The following HDAC9 variants were observed in gnomAD, a reference collection of about 807,000 sequenced individuals.
The protein encoded by HDAC9 is MEF-2 interacting transcription repressor (MITR) protein.
HDAC9 carries 41 observed loss-of-function variants against 139.4 expected under a neutral mutation model. The observed-to-expected ratio is 0.29, with a 90% CI of 0.23 to 0.38. The LOEUF (loss-of-function observed/expected upper bound fraction) is 0.38, where lower values mean the gene tolerates loss of function less well. Ranked by LOEUF, HDAC9 falls within the 10% of genes least tolerant of loss-of-function variation. The pLI is 1.00. For synonymous variants in HDAC9, 517 were observed against 476.2 expected, an observed-to-expected ratio of 1.09 and a Z score of -1.12; for missense variants, 1,147 against 1,297.0, an observed-to-expected ratio of 0.88 and a Z score of 1.78.
intron 13 of HDAC9, 71 bp from the exon 14 acceptor site, chr7:18,748,934 A>G (rs1242459060): frequency 3.6e-6 from 5 of 1,392,856 alleles, no homozygotes; most frequent in South Asian, 1.3e-5. Context: ...GAGTTATCAT[A>G]TTATCTCCTA....
At chr7:18,242,098 A>G (rs1431334) in intron 2 of HDAC9, among the ~76,000 whole-genome samples, 114,153 of 152,034 alleles carry the variant, frequency 0.75, 42,985 homozygotes, top group South Asian at 0.86. Context: ...TCCATGGTAA[A>G]GGAATCACTG....
rs968862542 is a variant in HDAC9 at position 19,000,992 on chromosome 7, G to T, written c.*4930G>T. The T allele has an allele frequency of 6.6e-6, 1 of 152,072 alleles. No individual in the cohort carries two copies. The allele number at this position is 152,072 out of a possible 1,614,324, so 9.4% of individuals were successfully genotyped here. The stretch of plus-strand genomic sequence containing the variant: ...TTTTTTATCTCTTCTCTTTTCAAGA[G>T]TCACTTGACTTTTTCAAATATTCTT... On this transcript the variant is annotated 3_prime_UTR_variant, in exon 26 of 26. Transcript: ENST00000686413.
chr7:18,909,625 C>T (rs527472813), intron 22 of HDAC9, among the ~76,000 whole-genome samples: 2 of 152,022 alleles, frequency 1.3e-5, no homozygotes, highest in Admixed American at 6.6e-5. Flanking sequence ...TCAGTTTTCC[C>T]AGCACTATTT....
chr7:18,892,259 A>C (rs1800751714), intron 22 of HDAC9: 1 of 152,224 alleles, frequency 6.6e-6, no homozygotes, highest in Non-Finnish European at 1.5e-5. Flanking sequence ...CTCTATCTAG[A>C]ATATCAAGAG....
chr7:18,522,568 A>G, intron 2 of HDAC9, among the ~76,000 whole-genome samples: 1 of 144,542 alleles, frequency 6.9e-6, no homozygotes, highest in Non-Finnish European at 1.5e-5. Context: ...GTTAATACTG[A>G]AAAAAAAAAA....
intron 1 of HDAC9, among the ~76,000 whole-genome samples, chr7:18,313,485 T>C (rs1475845722): frequency 6.6e-6 from 1 of 152,206 alleles, no homozygotes; most frequent in Non-Finnish European, 1.5e-5. Context: ...AATACTTAGT[T>C]CATTTTCTCT....
At chr7:18,259,142 G>C (rs1384325702) in intron 2 of HDAC9, among the ~76,000 whole-genome samples, 2 of 151,468 alleles carry the variant, frequency 1.3e-5, no homozygotes, top group African/African-American at 4.8e-5. Context: ...GCTAATTTTT[G>C]TATTTTTAGT....
intron 2 of HDAC9, among the ~76,000 whole-genome samples, chr7:18,171,687 G>A (rs1788460304): frequency 6.6e-6 from 1 of 152,122 alleles, no homozygotes; most frequent in South Asian, 2.1e-4. Flanking sequence ...GGCCTTTTCT[G>A]CATCTATTGA....
chr7:18,880,355 C>T (rs114227657), intron 22 of HDAC9, among the ~76,000 whole-genome samples: 2,409 of 152,208 alleles, frequency 0.016, 84 homozygotes, highest in East Asian at 0.13. Flanking sequence ...GACACATGCT[C>T]GCAAATGTTC....
intron 22 of HDAC9, among the ~76,000 whole-genome samples, chr7:18,916,022 G>GGAAAAA (rs1491394538): frequency 7.2e-6 from 1 of 138,128 alleles, no homozygotes; most frequent in South Asian, 2.4e-4. Flanking sequence ...CCCCCCGCTG[G>GGAAAAA]AAAAAAAAAA....
rs1787985033 is a variant in HDAC9 at position 18,648,016 on chromosome 7, C to T, written c.1249+18C>T. 1.9e-6 allele frequency: 3 copies of T among 1,560,984 alleles called. No individual in the cohort carries two copies. Among genetic ancestry groups the T allele is most frequent in the Non-Finnish European group, 2.6e-6 (3 of 1,141,216 alleles). On this transcript the variant is annotated intron_variant, in intron 10 of 25. Coordinates refer to ENST00000686413, the MANE Select transcript of HDAC9 (RefSeq NM_178425.4). ...TGTAGCTGGTAATTCATTATGGCAC[C>T]ATTTGCAGGTCATTTTAGGGTTTTA...
upstream of HDAC9, among the ~76,000 whole-genome samples, chr7:18,494,477 C>A (rs564964716): frequency 2.6e-5 from 4 of 152,068 alleles, no homozygotes; most frequent in East Asian, 7.8e-4. Context: ...ACATTTTCCT[C>A]GCTGATTTAG....
chr7:18,254,363 A>G (rs984182231), intron 2 of HDAC9, among the ~76,000 whole-genome samples: 3 of 152,216 alleles, frequency 2.0e-5, no homozygotes, highest in African/African-American at 7.2e-5. Context: ...ATTGCCTTGT[A>G]TGAATAGTGG....
At chr7:18,766,642 A>G (rs771814282) in intron 15 of HDAC9, among the ~76,000 whole-genome samples, 45 of 152,176 alleles carry the variant, frequency 3.0e-4, no homozygotes, top group Non-Finnish European at 4.9e-4. Context: ...AAGTCTGTAC[A>G]TTTGAGAAGA....
At chr7:18,714,324 A>C (rs1357755007) in intron 12 of HDAC9, among the ~76,000 whole-genome samples, 1 of 152,188 alleles carries the variant, frequency 6.6e-6, no homozygotes, top group Non-Finnish European at 1.5e-5. Context: ...TGTTCTTATC[A>C]ACCCTGTTAA....
intron 22 of HDAC9, 27 bp from the exon 23 acceptor site, chr7:18,935,782 T>C (rs916895495): frequency 1.2e-6 from 2 of 1,602,854 alleles, no homozygotes; most frequent in Admixed American, 1.7e-5. Flanking sequence ...TTTAATACTT[T>C]GAAATGTTCT....
intron 1 of HDAC9, among the ~76,000 whole-genome samples, chr7:18,315,622 G>A (rs1290682807): frequency 6.6e-6 from 1 of 152,240 alleles, no homozygotes; most frequent in Non-Finnish European, 1.5e-5. Context: ...TTATTTTGAT[G>A]TAAGTATTCA....
intron 2 of HDAC9, among the ~76,000 whole-genome samples, chr7:18,225,071 A>G (rs1486420104): frequency 6.6e-6 from 1 of 152,212 alleles, no homozygotes; most frequent in African/African-American, 2.4e-5. Flanking sequence ...CAGTAGCTAA[A>G]TAAAGAACTT....
chr7:18,590,516 C>A, intron 4 of HDAC9, 30 bp downstream of exon 4: 1 of 1,570,902 alleles, frequency 6.4e-7, no homozygotes, highest in Non-Finnish European at 8.6e-7. Flanking sequence ...ACGATGGACT[C>A]TCTTTCCTCA....
Sources: gnomAD v4.1 joint callset for allele counts (sites outside exome capture counted in the v4.1 genomes callset) on GRCh38, gnomAD v4.1.1 for gene constraint, MANE v1.5 for transcripts, NCBI Gene and HGNC (gene_info 2026-07-23, HGNC 2026-07-21) for gene names.